Variants in DMBT1 observed in about 807,000 individuals in gnomAD.
DMBT1 encodes the protein scavenger receptor cysteine-rich domain-containing protein DMBT1.
In DMBT1, 198 loss-of-function variants were observed where a neutral mutation model predicts 252.9. The observed-to-expected ratio is 0.78, with a 90% CI of 0.70 to 0.88. The LOEUF (loss-of-function observed/expected upper bound fraction) is 0.88. DMBT1 is among the 40% of genes least tolerant of loss of function. DMBT1 has a pLI of 0.00. For synonymous variants in DMBT1, 990 were observed against 942.7 expected (o/e 1.05, Z -0.92); for missense variants, 2,432 against 2,404.7 (o/e 1.01, Z -0.24).
At chr10:122,619,134 G>A (rs1213932803) in intron 41 of DMBT1, among the ~76,000 whole-genome samples, 174 bp from the exon 42 acceptor site, 2 of 152,198 alleles carry the variant, frequency 1.3e-5, no homozygotes, top group Non-Finnish European at 2.9e-5. Context: ...GGATCTGCCT[G>A]CACCCCTTAT....
intron 1 of DMBT1, 92 bp downstream of exon 1, chr10:122,560,923 T>G: frequency 1.0e-6 from 1 of 977,024 alleles, no homozygotes; most frequent in Non-Finnish European, 1.6e-6. Context: ...CAAGGGAAGT[T>G]TTATATCAAA....
intron 50 of DMBT1, among the ~76,000 whole-genome samples, 193 bp downstream of exon 50, chr10:122,632,068 C>T (rs2098169624): frequency 6.6e-6 from 1 of 152,050 alleles, no homozygotes; most frequent in Non-Finnish European, 1.5e-5. Context: ...GCCTGACCCA[C>T]CTAAGATTAG....
At chr10:122,571,433 G>C (rs1271849778) in intron 4 of DMBT1, among the ~76,000 whole-genome samples, 1 of 152,090 alleles carries the variant, frequency 6.6e-6, no homozygotes, top group African/African-American at 2.4e-5. Flanking sequence ...TGGAGGATGG[G>C]GGAACTGCTG....
In DMBT1 at chr10:122,617,087, T is replaced by C. The variant is rs2097992528; in HGVS notation, c.4859-141T>C. ...GGATGAGTTCACAGCAGAGGAGACC[T>C]GGGAAGACACATGGGAAGCAAGTGG... On this transcript the variant is annotated intron_variant, in intron 39 of 55. Coordinates refer to ENST00000338354, the MANE Select transcript of DMBT1 (RefSeq NM_001377530.1). 7.9e-6 allele frequency: 8 copies of C among 1,018,612 alleles called. 1 individual carries two copies. In the East Asian group the frequency reaches 1.9e-4, roughly 24 times the overall value. 63.1% of individuals were successfully genotyped at this position (1,018,612 alleles called of 1,614,324 possible). A position where few individuals can be genotyped will look rare whatever the true frequency, so the allele number is the denominator to read the frequency against.
rs1400085083 is a variant in DMBT1, at chr10:122,592,804, C to A, written c.2500+209C>A. On this transcript the variant is annotated intron_variant, in intron 20 of 55. Transcript: ENST00000338354. ...ACTTAGGACAGGCCCCAAACTGAAA[C>A]AACAACCCAGACTTTATCCCCTTCC... 1.3e-5 allele frequency among the ~76,000 whole-genome samples: 2 copies of A among 148,708 alleles called. 1 individual carries two copies. The highest frequency in any genetic ancestry group is 3.0e-5 in the Non-Finnish European group (2 of 66,778).
Position 122,586,056 on chromosome 10 carries a change from G to T in DMBT1, c.1460-4G>T, listed in dbSNP as rs1262614374. ...GGATGAAGGGTTCTTGTTTTCCCCT[G>T]TAGGATCTGAATCCAGTTTGGCCCT... On this transcript the variant is annotated splice_polypyrimidine_tract_variant and splice_region_variant and intron_variant, in intron 15 of 55. Coordinates refer to ENST00000338354, the MANE Select transcript of DMBT1 (RefSeq NM_001377530.1). 1 of 1,588,568 alleles carries T rather than the reference G, an allele frequency of 6.3e-7. No homozygotes were observed.
intron 1 of DMBT1, among the ~76,000 whole-genome samples, chr10:122,564,926 T>C (rs1359356098): frequency 6.6e-6 from 1 of 152,190 alleles, no homozygotes. Flanking sequence ...CATCTTCCCT[T>C]GTCAGTTTTC....
rs57525232 is a variant in DMBT1, at chr10:122,566,302, CTT to C, written c.91+314_91+315del. Among the ~76,000 whole-genome samples the C allele has an allele frequency of 3.3e-5, 5 of 150,812 alleles. No individual in the cohort carries two copies. The South Asian group carries it at 8.3e-4, about 25-fold the overall frequency. ...TTGAAAATAAAGGTCAGTACCTTTT[CTT>C]TTTTTTTCTTTTTCTTTTTTCTTTT... On this transcript the variant is annotated intron_variant, in intron 2 of 55. Transcript: ENST00000338354.
intron 6 of DMBT1, 90 bp from the exon 7 acceptor site, chr10:122,576,309 G>A (rs2097711327): frequency 5.9e-6 from 9 of 1,520,540 alleles, no homozygotes; most frequent in Non-Finnish European, 8.0e-6. Context: ...AAAGATATCT[G>A]CCTATGGGGA....
rs540347011 is a variant in DMBT1, at chr10:122,592,097, G to A, written c.2177-175G>A. ...AGCCTCCATAAACCCAGGCAGAATA[G>A]GGTATCACCTCTCCTTCCAGTATGA... On this transcript the variant is annotated intron_variant, in intron 19 of 55. Transcript: ENST00000338354. Among the ~76,000 whole-genome samples, 21 of 148,690 alleles carry A rather than the reference G, an allele frequency of 1.4e-4. 4 individuals are homozygous for A. In the South Asian group the frequency reaches 4.8e-3, roughly 34 times the overall value.
chr10:122,597,855 A>C, intron 24 of DMBT1, 119 bp from the exon 25 acceptor site: 1 of 1,468,770 alleles, frequency 6.8e-7, no homozygotes. Flanking sequence ...ATGGGGAGCA[A>C]GTGGCAGGAA....
intron 44 of DMBT1, among the ~76,000 whole-genome samples, chr10:122,623,874 C>T (rs1052592821): frequency 6.6e-6 from 1 of 152,212 alleles, no homozygotes; most frequent in Non-Finnish European, 1.5e-5. Context: ...AGGCCTAACT[C>T]TGCCATTTTT....
intron 9 of DMBT1, 107 bp downstream of exon 9, chr10:122,578,866 C>A: frequency 2.5e-6 from 3 of 1,177,252 alleles, no homozygotes; most frequent in Non-Finnish European, 3.7e-6. Context: ...GGGAAGTGGG[C>A]TAAGCGTGGG....
chr10:122,599,982 G>A lies in DMBT1; in HGVS notation c.3281-82G>A, dbSNP rs564411713. On this transcript the variant is annotated intron_variant, in intron 26 of 55. Coordinates refer to ENST00000338354, the MANE Select transcript of DMBT1 (RefSeq NM_001377530.1). Reference sequence around the variant, plus strand: ...CTAGGATGGACTGAGTGTCAGACTCGCCCATTTCTTTCCCTCCTCGTTCCA... The same window carrying A: ...CTAGGATGGACTGAGTGTCAGACTCACCCATTTCTTTCCCTCCTCGTTCCA... 69 of 1,550,914 alleles carry A rather than the reference G, an allele frequency of 4.4e-5. 2 individuals are homozygous for A. Among genetic ancestry groups the A allele is most frequent in the South Asian group, 2.3e-4 (20 of 88,742 alleles).
At position 122,637,324 on chromosome 10, in the gene DMBT1, G is replaced by A. The variant is rs781747103; in HGVS notation, c.6942+12G>A. 1.3e-5 allele frequency: 21 copies of A among 1,587,522 alleles called. No homozygotes were observed. The highest frequency in any genetic ancestry group is 1.8e-5 in the Admixed American group (1 of 55,854). On this transcript the variant is annotated intron_variant, in intron 54 of 55. Coordinates refer to ENST00000338354, the MANE Select transcript of DMBT1 (RefSeq NM_001377530.1). ...GCACCTTCAAGCAGGTAAGCCTGGG[G>A]CTTCCCATTCCATTTCCCAGTGCAC...
chr10:122,575,315 G>A (rs922263302), intron 6 of DMBT1, among the ~76,000 whole-genome samples: 5 of 152,192 alleles, frequency 3.3e-5, no homozygotes, highest in African/African-American at 1.2e-4. Flanking sequence ...CGGAATCAGA[G>A]TGAGTATGTT....
rs2097706381 is a variant in DMBT1, at chr10:122,575,712, A to T, written c.284-687A>T. Among the ~76,000 whole-genome samples the T allele has an allele frequency of 2.6e-5, 4 of 152,150 alleles. No individual in the cohort carries two copies. The South Asian group carries it at 8.3e-4, about 32-fold the overall frequency. The stretch of plus-strand genomic sequence containing the variant: ...GAAAAATTTTAGGGAATGGGATGGG[A>T]GGGAATGTTGTGAGTACACAGTGAC... On this transcript the variant is annotated intron_variant, in intron 6 of 55. Transcript: ENST00000338354.
At chr10:122,576,293 T>C (rs2097711223) in intron 6 of DMBT1, 106 bp from the exon 7 acceptor site, 4 of 1,466,676 alleles carry the variant, frequency 2.7e-6, no homozygotes, top group Non-Finnish European at 3.7e-6. Context: ...AATTAGAGAT[T>C]CTCTCAAAGA....
rs1166331641 is a variant in DMBT1 at position 122,600,082 on chromosome 10, C to A, written c.3299C>A (p.Thr1100Lys). 6.2e-7 allele frequency: 1 copy of A among 1,607,114 alleles called. No individual in the cohort carries two copies. The highest frequency in any genetic ancestry group is 1.4e-5 in the African/African-American group (1 of 73,042). Residue 1100 changes from threonine to lysine, a missense_variant, in exon 27 of 56, where the codon ACA becomes AAA. By Grantham distance (78) the Thr-to-Lys change is moderately conservative. This residue lies in a region of DMBT1 where 1,264 missense variants were observed against 1,082.2 expected (regional missense o/e 1.17). Transcript: ENST00000338354. The stretch of plus-strand genomic sequence containing the variant: ...CTCACAGCTTCCCAGTCCCGGCCAA[C>A]ACCTAGTCCAGGTGGGTCCCCAGTG... ...VICSASQSRP[T>K]PSPDTWPTSH...
Sources: allele counts gnomAD v4.1 joint callset (sites outside exome capture counted in the v4.1 genomes callset), GRCh38; gene constraint gnomAD v4.1.1; regional missense constraint gnomAD v4.1.1; transcripts MANE v1.5; gene names NCBI Gene and HGNC (gene_info 2026-07-23, HGNC 2026-07-21).